CNTN5: variants seen among roughly 807,000 people sequenced by gnomAD.
CNTN5 encodes contactin-5.
CNTN5 carries 77 observed loss-of-function variants against 129.1 expected under a neutral mutation model. That is an observed-to-expected ratio of 0.60 (90% confidence interval 0.50 to 0.72). The LOEUF is 0.72. Among genes scored for constraint, CNTN5 ranks in the 30% least tolerant of loss-of-function variants. CNTN5 has a pLI of 0.00. For synonymous variants in CNTN5, 509 were observed against 465.6 expected, an observed-to-expected ratio of 1.09 and a Z score of -1.20; for missense variants, 1,478 against 1,328.8, an observed-to-expected ratio of 1.11 and a Z score of -1.75.
At chr11:99,749,035 T>G (rs1473691111) in intron 3 of CNTN5, among the ~76,000 whole-genome samples, 1 of 152,208 alleles carries the variant, frequency 6.6e-6, no homozygotes, top group Non-Finnish European at 1.5e-5. Context: ...GAGGTGGAAT[T>G]CACCTTGCTT....
intron 9 of CNTN5, among the ~76,000 whole-genome samples, chr11:100,012,898 A>C (rs1233184868): frequency 6.6e-6 from 1 of 152,162 alleles, no homozygotes; most frequent in Non-Finnish European, 1.5e-5. Flanking sequence ...CTTTCTTTTA[A>C]GTTAATCTCC....
At chr11:99,712,850 G>T (rs535809639) in intron 3 of CNTN5, among the ~76,000 whole-genome samples, 2 of 151,862 alleles carry the variant, frequency 1.3e-5, no homozygotes, top group South Asian at 4.1e-4. Context: ...ATCTGTTGTG[G>T]TACTAGTACC....
At chr11:100,000,457 C>T (rs1939786523) in intron 8 of CNTN5, among the ~76,000 whole-genome samples, 1 of 152,210 alleles carries the variant, frequency 6.6e-6, no homozygotes, top group Non-Finnish European at 1.5e-5. Context: ...GCATACGCTC[C>T]CAAGGACTTG....
intron 6 of CNTN5, among the ~76,000 whole-genome samples, chr11:99,910,201 A>G (rs1183144123): frequency 6.6e-6 from 1 of 152,106 alleles, no homozygotes; most frequent in Non-Finnish European, 1.5e-5. Flanking sequence ...AATGGACATA[A>G]TAAGCCCTCC....
At chr11:100,271,350 G>T in intron 18 of CNTN5, 109 bp downstream of exon 18, 2 of 619,588 alleles carry the variant, frequency 3.2e-6, no homozygotes, top group South Asian at 4.7e-5. Flanking sequence ...AATTTGTCCT[G>T]ATTCATTTAC....
intron 2 of CNTN5, among the ~76,000 whole-genome samples, chr11:99,328,440 G>A (rs1279924159): frequency 6.6e-6 from 1 of 152,046 alleles, no homozygotes; most frequent in Non-Finnish European, 1.5e-5. Context: ...TTAATTTTGA[G>A]GTGGTTCTTA....
chr11:99,794,180 CTTT>C (rs34449350), intron 3 of CNTN5, among the ~76,000 whole-genome samples: 20 of 141,656 alleles, frequency 1.4e-4, no homozygotes, highest in Non-Finnish European at 1.5e-4. Flanking sequence ...CCTTCTTTGT[CTTT>C]TTTTTTTTTT....
intron 1 of CNTN5, among the ~76,000 whole-genome samples, chr11:99,063,365 G>C (rs1015405592): frequency 3.3e-5 from 5 of 151,974 alleles, no homozygotes; most frequent in African/African-American, 1.2e-4. Flanking sequence ...CAAAGAACCA[G>C]GATGAAATAA....
At chr11:99,738,069 A>G (rs1943768140) in intron 3 of CNTN5, among the ~76,000 whole-genome samples, 4 of 152,202 alleles carry the variant, frequency 2.6e-5, no homozygotes. Flanking sequence ...GATCACAGAA[A>G]AGGAGGCACA....
chr11:100,320,256 A>T (rs1055705098), intron 21 of CNTN5, among the ~76,000 whole-genome samples: 2 of 152,134 alleles, frequency 1.3e-5, no homozygotes, highest in African/African-American at 4.8e-5. Context: ...ATGCAGTGAT[A>T]TCTCATTGTG....
In CNTN5 at chr11:99,913,479, A is replaced by G. The variant is rs573383781; in HGVS notation, c.578-2575A>G. On this transcript the variant is annotated intron_variant, in intron 6 of 24. Transcript: ENST00000524871. ...AAAAAATCTACTCACAATATAAAAA[A>G]ATCTATTTATCTTTGGGCTTCTGGT... Among the ~76,000 whole-genome samples, 7 of 152,174 alleles carry G rather than the reference A, an allele frequency of 4.6e-5. No homozygotes were observed. In the South Asian group the frequency reaches 1.4e-3, roughly 32 times the overall value.
chr11:99,094,350 T>C (rs978274243), intron 1 of CNTN5, among the ~76,000 whole-genome samples: 1 of 152,052 alleles, frequency 6.6e-6, no homozygotes, highest in Non-Finnish European at 1.5e-5. Flanking sequence ...GGATTTCTGA[T>C]TATAAGCAAT....
At chr11:100,049,454 A>T (rs2137728948) in intron 9 of CNTN5, among the ~76,000 whole-genome samples, 1 of 152,286 alleles carries the variant, frequency 6.6e-6, no homozygotes, top group East Asian at 1.9e-4. Context: ...AGGAAAAAAG[A>T]TATGAAAACT....
chr11:99,703,058 T>C (rs1347575150), intron 3 of CNTN5, among the ~76,000 whole-genome samples: 3 of 150,928 alleles, frequency 2.0e-5, no homozygotes, highest in Non-Finnish European at 4.5e-5. Flanking sequence ...ATTTTTCTTC[T>C]ATATAATAAA....
chr11:100,037,103 G>A (rs1196556006), intron 9 of CNTN5, among the ~76,000 whole-genome samples: 2 of 151,816 alleles, frequency 1.3e-5, no homozygotes, highest in Non-Finnish European at 2.9e-5. Flanking sequence ...TTGGCTGTGG[G>A]TTTGTCATGG....
chr11:99,843,934 G>T (rs1591297541), intron 4 of CNTN5, among the ~76,000 whole-genome samples: 1 of 152,172 alleles, frequency 6.6e-6, no homozygotes, highest in East Asian at 1.9e-4. Flanking sequence ...TGCTCTGAAT[G>T]CTTACGTAAC....
At chr11:99,919,130 C>G (rs1949869654) in intron 7 of CNTN5, among the ~76,000 whole-genome samples, 1 of 152,172 alleles carries the variant, frequency 6.6e-6, no homozygotes, top group Non-Finnish European at 1.5e-5. Flanking sequence ...TCTGCAGAAG[C>G]AAATTTTGCC....
chr11:99,180,182 G>A (rs79535708), intron 1 of CNTN5, among the ~76,000 whole-genome samples: 14,731 of 152,124 alleles, frequency 0.097, 763 homozygotes, highest in African/African-American at 0.13. Flanking sequence ...TAAGCAGATT[G>A]ATATAATAAG....
At chr11:99,965,153 T>C (rs540823484) in intron 8 of CNTN5, among the ~76,000 whole-genome samples, 10 of 152,368 alleles carry the variant, frequency 6.6e-5, no homozygotes, top group African/African-American at 2.4e-4. Context: ...TTTGTGTCTT[T>C]ATTTCCTTTA....
Sources: gnomAD v4.1 joint callset for allele counts (sites outside exome capture counted in the v4.1 genomes callset) on GRCh38, gnomAD v4.1.1 for gene constraint, MANE v1.5 for transcripts, NCBI Gene and HGNC (gene_info 2026-07-23, HGNC 2026-07-21) for gene names.